The following NCAM1 variants were observed in gnomAD, a reference collection of about 807,000 sequenced individuals.
NCAM1 encodes the protein neural cell adhesion molecule 1, also known as antigen recognized by monoclonal antibody 5.1H11.
A neutral mutation model predicts 109.8 loss-of-function variants in NCAM1; 14 were observed. That is an observed-to-expected ratio of 0.13 (90% CI 0.08 to 0.20). The LOEUF is 0.20. Ranked by LOEUF, NCAM1 falls within the 10% of genes least tolerant of loss-of-function variation. The pLI is 1.00. For synonymous variants in NCAM1, 418 were observed against 442.9 expected, an observed-to-expected ratio of 0.94 and a Z score of 0.70; for missense variants, 774 against 1,109.9, an observed-to-expected ratio of 0.70 and a Z score of 4.30.
intron 1 of NCAM1, among the ~76,000 whole-genome samples, chr11:113,162,368 A>C (rs988828659): frequency 1.8e-4 from 27 of 152,030 alleles, no homozygotes; most frequent in African/African-American, 6.0e-4. Context: ...TGCCTGCTGC[A>C]GTGTAGGAGC....
intron 1 of NCAM1, among the ~76,000 whole-genome samples, chr11:113,110,004 A>T (rs1940375282): frequency 6.6e-6 from 1 of 152,218 alleles, no homozygotes. Flanking sequence ...ATGTGTGTAT[A>T]TATGAATTAA....
intron 1 of NCAM1, among the ~76,000 whole-genome samples, chr11:113,075,937 A>C (rs1800624990): frequency 6.6e-6 from 1 of 152,084 alleles, no homozygotes; most frequent in African/African-American, 2.4e-5. Flanking sequence ...CCATTCACTG[A>C]CTCCTTTCCC....
At chr11:113,099,938 C>G (rs931744229) in intron 1 of NCAM1, among the ~76,000 whole-genome samples, 4 of 152,200 alleles carry the variant, frequency 2.6e-5, no homozygotes, top group Non-Finnish European at 4.4e-5. Flanking sequence ...CTGCCCGCCT[C>G]GGCCTCCCAG....
At chr11:113,075,818 T>C (rs1449971128) in intron 1 of NCAM1, among the ~76,000 whole-genome samples, 1 of 152,230 alleles carries the variant, frequency 6.6e-6, no homozygotes, top group Non-Finnish European at 1.5e-5. Flanking sequence ...TCTGCCTACG[T>C]GTGTGGTTGT....
At chr11:113,025,487 G>T (rs541104667) in intron 1 of NCAM1, among the ~76,000 whole-genome samples, 82 of 152,164 alleles carry the variant, frequency 5.4e-4, no homozygotes, top group African/African-American at 1.9e-3. Context: ...GACACATGGT[G>T]TAAACGTAAA....
intron 1 of NCAM1, among the ~76,000 whole-genome samples, chr11:113,071,456 C>T (rs903946447): frequency 2.9e-5 from 4 of 136,350 alleles, no homozygotes; most frequent in South Asian, 2.3e-4. Flanking sequence ...TACGGAGTCT[C>T]GCTTTATCGC....
Position 113,231,649 on chromosome 11 carries a change from T to C in NCAM1, c.1094T>C (p.Leu365Pro). The C allele has an allele frequency of 6.5e-7, 1 of 1,547,546 alleles. No individual in the cohort carries two copies. The highest frequency in any genetic ancestry group is 1.1e-5 in the South Asian group (1 of 89,730). ...SWTRPEKQET[L>P]DGHMVVRSHA... is the part of the protein sequence containing the mutation. ...CTTCCCCCCCACCCCCGGCAGACTC[T>C]GGATGGGCACATGGTGGTGCGTAGC... The change falls in exon 10 of 20, where the codon CTG becomes CCG. Residue 365 changes from leucine (L) to proline (P), a missense_variant. By Grantham distance (98) the Leu-to-Pro change is moderately conservative. Coordinates refer to ENST00000316851, the MANE Select transcript of NCAM1 (RefSeq NM_181351.5).
intron 1 of NCAM1, among the ~76,000 whole-genome samples, chr11:113,084,586 A>T (rs148570333): frequency 0.019 from 2,913 of 152,202 alleles, 46 homozygotes; most frequent in Middle Eastern, 0.058. Flanking sequence ...CTTACCGTGG[A>T]TGGGTTCTTA....
chr11:113,163,830 G>A (rs1565472990), intron 1 of NCAM1, among the ~76,000 whole-genome samples: 1 of 152,192 alleles, frequency 6.6e-6, no homozygotes, highest in Non-Finnish European at 1.5e-5. Flanking sequence ...GTGCCGGGCT[G>A]TGCAAATGAG....
chr11:113,169,580 G>A (rs1942923563), intron 1 of NCAM1, among the ~76,000 whole-genome samples: 1 of 150,764 alleles, frequency 6.6e-6, no homozygotes, highest in Non-Finnish European at 1.5e-5. Context: ...TGGTAAGCTT[G>A]CATTGCTTTT....
At chr11:113,045,243 A>G (rs1953225106) in intron 1 of NCAM1, among the ~76,000 whole-genome samples, 2 of 152,322 alleles carry the variant, frequency 1.3e-5, no homozygotes, top group South Asian at 2.1e-4. Flanking sequence ...CCTGTCAGTA[A>G]GAAAACCAGC....
At position 113,271,866 on chromosome 11, in the gene NCAM1, A is replaced by G; in HGVS notation, c.2446A>G (p.Thr816Ala). The change falls in exon 19 of 20, where the codon ACG becomes GCG. Residue 816 changes from threonine to alanine, a missense_variant. This residue lies in a region of NCAM1 where 122 missense variants were observed against 129.7 expected (regional missense o/e 0.94). Transcript: ENST00000316851. ...HTEPNETTPL[T>A]EPEKGPVEAK... is the part of the protein sequence containing the mutation. Reference sequence around the variant, plus strand: ...AGAGCCCAACGAGACCACGCCACTGACGGAGCCCGAGTACGTGGGCTGGGA... The same window carrying G: ...AGAGCCCAACGAGACCACGCCACTGGCGGAGCCCGAGTACGTGGGCTGGGA... 6.4e-7 allele frequency: 1 copy of G among 1,565,192 alleles called. No homozygotes were observed. The highest frequency in any genetic ancestry group is 1.7e-4 in the Middle Eastern group (1 of 6,002).
chr11:113,067,003 CAAA>C (rs34002848), intron 1 of NCAM1, among the ~76,000 whole-genome samples: 2 of 103,696 alleles, frequency 1.9e-5, no homozygotes, highest in Non-Finnish European at 3.7e-5. Context: ...GAACCCCTCT[CAAA>C]AAAAAAAAAA....
intron 14 of NCAM1, among the ~76,000 whole-genome samples, chr11:113,238,740 G>A (rs17597455): frequency 0.037 from 5,584 of 152,264 alleles, 134 homozygotes; most frequent in South Asian, 0.074. Context: ...GCCAGCTTAC[G>A]GCACCACTGA....
At chr11:113,159,800 C>T (rs1252174293) in intron 1 of NCAM1, among the ~76,000 whole-genome samples, 1 of 151,226 alleles carries the variant, frequency 6.6e-6, no homozygotes, top group Non-Finnish European at 1.5e-5. Context: ...TGGTGTGCTG[C>T]ACCTATTAAC....
intron 1 of NCAM1, among the ~76,000 whole-genome samples, chr11:113,145,747 A>G (rs1941993714): frequency 1.3e-5 from 2 of 151,884 alleles, no homozygotes; most frequent in South Asian, 4.2e-4. Context: ...GGGAGCATGG[A>G]CCCCACCCCA....
At chr11:113,195,533 C>G (rs975840276) in intron 1 of NCAM1, among the ~76,000 whole-genome samples, 1 of 134,158 alleles carries the variant, frequency 7.5e-6, no homozygotes, top group Admixed American at 8.2e-5. Context: ...GACAGAGTCT[C>G]GCTTTGTCGC....
At chr11:113,200,918 A>G (rs45467002) in intron 1 of NCAM1, among the ~76,000 whole-genome samples, 3,739 of 152,220 alleles carry the variant, frequency 0.025, 92 homozygotes, top group East Asian at 0.075. Context: ...GGGAGAAACT[A>G]GCTGCCCTAG....
chr11:113,093,549 G>C (rs1939457612), intron 1 of NCAM1, among the ~76,000 whole-genome samples: 1 of 152,114 alleles, frequency 6.6e-6, no homozygotes, highest in African/African-American at 2.4e-5. Context: ...ATGGTCTTAT[G>C]AAGCACAGCT....
Sources: allele counts gnomAD v4.1 joint callset (sites outside exome capture counted in the v4.1 genomes callset), GRCh38; gene constraint gnomAD v4.1.1; regional missense constraint gnomAD v4.1.1; transcripts MANE v1.5; gene names NCBI Gene and HGNC (gene_info 2026-07-23, HGNC 2026-07-21).